KRT83: variants seen among roughly 807,000 people sequenced by gnomAD.
KRT83 encodes the protein keratin 83.
A neutral mutation model predicts 52.9 loss-of-function variants in KRT83; 51 were observed. That is an observed-to-expected ratio of 0.96 (90% confidence interval 0.77 to 1.22). KRT83 has a LOEUF of 1.22. KRT83 is among the 50% of genes most tolerant of loss of function. The probability of loss-of-function intolerance (pLI) is 0.00; values close to 1 mark genes in which losing one functional copy is unlikely to be tolerated. For synonymous variants in KRT83, 278 were observed against 274.1 expected (o/e 1.01, Z -0.14); for missense variants, 654 against 666.5 (o/e 0.98, Z 0.21).
At position 52,318,481 on chromosome 12, in the gene KRT83, C is replaced by T. The variant is rs1938722269; in HGVS notation, c.594-511G>A. ...TTCTTCCTTCGAGCCCTCCCCTGCC[C>T]CCACTCAGCTGCAGGTGGTGGGATC... On this transcript the variant is annotated intron_variant, in intron 2 of 8. Transcript: ENST00000293670. Among the ~76,000 whole-genome samples, 4 of 151,954 alleles carry T rather than the reference C, an allele frequency of 2.6e-5. No homozygotes were observed. The South Asian group carries it at 8.3e-4, about 32-fold the overall frequency.
intron 2 of KRT83, among the ~76,000 whole-genome samples, chr12:52,318,193 TGA>T (rs761579217): frequency 3.9e-5 from 6 of 152,004 alleles, no homozygotes; most frequent in Non-Finnish European, 5.9e-5. Flanking sequence ...TTTTTGTTTT[TGA>T]GATGGAGTCT....
In KRT83 at chr12:52,316,556, T is replaced by G. The variant is rs1349136331; in HGVS notation, c.953A>C (p.Glu318Ala). ...EMKATVIRHG[E>A]TLRRTKEEIN... ...CTCCTCCTTGGTGCGGCGCAGGGTC[T>G]CCCCGTGCCTGATCACTGTGGCCTT... Residue 318 changes from glutamate (E) to alanine (A), a missense_variant, in exon 6 of 9, where the codon GAG becomes GCG. Coordinates refer to ENST00000293670, the MANE Select transcript of KRT83 (RefSeq NM_002282.3). The G allele has an allele frequency of 3.1e-6, 5 of 1,614,002 alleles. No homozygotes were observed. Among genetic ancestry groups the G allele is most frequent in the African/African-American group, 1.3e-5 (1 of 74,914 alleles).
chr12:52,314,568 G>A lies in KRT83; in HGVS notation c.*63C>T. 7.0e-7 allele frequency: 1 copy of A among 1,430,480 alleles called. No homozygotes were observed. Among genetic ancestry groups the A allele is most frequent in the Non-Finnish European group, 9.6e-7 (1 of 1,038,580 alleles). 88.6% of individuals were successfully genotyped at this position (1,430,480 alleles called of 1,614,324 possible). On this transcript the variant is annotated 3_prime_UTR_variant, in exon 9 of 9. Transcript: ENST00000293670. ...CAGCGATGTGCTGCTGTTTTCAGCT[G>A]GTGGTGGGGCAGTGGCACGTCTGGC... is the stretch of plus-strand genomic sequence containing the variant.
rs548796091 is a variant in KRT83 at position 52,314,803 on chromosome 12, C to T, written c.1310G>A (p.Arg437Gln). Reference protein sequence around the residue: ...EAVNVCVSSSRGGVVCGDLCV... With the variant: ...EAVNVCVSSSQGGVVCGDLCV... ...GAGATCCCCGCACACAACCCCACCC[C>T]GGGAGCTGCTGACACCTGTGGGAAC... The change falls in exon 9 of 9, where the codon CGG becomes CAG. Residue 437 changes from arginine to glutamine, a missense_variant. Coordinates refer to ENST00000293670, the MANE Select transcript of KRT83 (RefSeq NM_002282.3). The T allele has an allele frequency of 1.8e-5, 29 of 1,605,988 alleles. No individual in the cohort carries two copies. The highest frequency in any genetic ancestry group is 4.5e-5 in the East Asian group (2 of 44,640).
chr12:52,314,574 G>A lies in KRT83; in HGVS notation c.*57C>T, dbSNP rs549538781. 2 of 1,462,586 alleles carry A rather than the reference G, an allele frequency of 1.4e-6. No individual in the cohort carries two copies. Among genetic ancestry groups the A allele is most frequent in the African/African-American group, 2.8e-5 (2 of 70,972 alleles). 90.6% of individuals were successfully genotyped at this position (1,462,586 alleles called of 1,614,324 possible). On this transcript the variant is annotated 3_prime_UTR_variant, in exon 9 of 9. Transcript: ENST00000293670. ...TGTGCTGCTGTTTTCAGCTGGTGGT[G>A]GGGCAGTGGCACGTCTGGCAGGCAG...
chr12:52,317,775 T>C lies in KRT83; in HGVS notation c.656A>G (p.Asp219Gly). 2 of 1,613,874 alleles carry C rather than the reference T, an allele frequency of 1.2e-6. No homozygotes were observed. Among genetic ancestry groups the C allele is most frequent in the South Asian group, 1.1e-5 (1 of 91,062 alleles). The stretch of plus-strand genomic sequence containing the variant: ...CTTGCGGAGGTAGGCGCAGTCCACA[T>C]CCTGGGTGGGGTAGAAGGGGCTGTG... ...AENEFVALKK[D>G]VDCAYLRKSD... Residue 219 changes from aspartate (D) to glycine (G), a missense_variant and splice_region_variant, in exon 4 of 9, where the codon GAT (aspartate) becomes GGT (glycine). Transcript: ENST00000293670.
chr12:52,315,023 C>T (rs891124054), intron 8 of KRT83, among the ~76,000 whole-genome samples: 5 of 152,168 alleles, frequency 3.3e-5, no homozygotes, highest in Non-Finnish European at 7.3e-5. Flanking sequence ...GGAGTCCTTT[C>T]CTCTGTCTGG....
At chr12:52,314,863 T>G in intron 8 of KRT83, 45 bp from the exon 9 acceptor site, 18 of 1,519,730 alleles carry the variant, frequency 1.2e-5, no homozygotes, top group Non-Finnish European at 1.5e-5. Context: ...CTGATGGCCA[T>G]CCCATCCAGC....
chr12:52,314,517 T>C lies in KRT83; in HGVS notation c.*114A>G, dbSNP rs1938654611. The C allele has an allele frequency of 2.0e-6, 2 of 976,364 alleles. No individual in the cohort carries two copies. The highest frequency in any genetic ancestry group is 2.0e-5 in the Admixed American group (1 of 50,206). 60.5% of individuals were successfully genotyped at this position (976,364 alleles called of 1,614,324 possible). On this transcript the variant is annotated 3_prime_UTR_variant, in exon 9 of 9. Coordinates refer to ENST00000293670, the MANE Select transcript of KRT83 (RefSeq NM_002282.3). Reference sequence around the variant, plus strand: ...CGCTGGTGGGAATGAGCCGATGGTGTATTCTCAGAACACAAGGGGAAAAGC... The same window carrying C: ...CGCTGGTGGGAATGAGCCGATGGTGCATTCTCAGAACACAAGGGGAAAAGC...
intron 8 of KRT83, 37 bp downstream of exon 8, chr12:52,315,275 A>G: frequency 6.2e-7 from 1 of 1,605,068 alleles, no homozygotes; most frequent in Non-Finnish European, 8.5e-7. Flanking sequence ...CTTTGTCCCC[A>G]GTCTACATTT....
Position 52,321,393 on chromosome 12 carries a change from G to A in KRT83, c.-58C>T. The A allele has an allele frequency of 6.2e-7, 1 of 1,609,516 alleles. No homozygotes were observed. Among genetic ancestry groups the A allele is most frequent in the East Asian group, 2.2e-5 (1 of 44,848 alleles). On this transcript the variant is annotated 5_prime_UTR_variant, in exon 1 of 9. Transcript: ENST00000293670. ...TAGATGGCAGAGGATGGAACCAAGGGCCTGTGCTCCCTGGCTGATGGCAGG... is the reference window on the plus strand; with the variant it reads ...TAGATGGCAGAGGATGGAACCAAGGACCTGTGCTCCCTGGCTGATGGCAGG...
rs150640038 is a variant in KRT83 at position 52,321,045 on chromosome 12, G to A, written c.291C>T (p.Asn97=). The change falls in exon 1 of 9, where the codon AAC becomes AAT. Residue 97 remains asparagine (N), a synonymous_variant. Transcript: ENST00000293670. The part of the protein sequence containing the change: ...SVNESLLTPL[N]LEIDPNAQCV... Reference sequence around the variant, plus strand: ...ACTGCGCGTTGGGGTCTATCTCCAGGTTGAGGGGCGTGAGGAGGCTCTCGT... The same window carrying A: ...ACTGCGCGTTGGGGTCTATCTCCAGATTGAGGGGCGTGAGGAGGCTCTCGT... The A allele has an allele frequency of 1.2e-6, 2 of 1,612,654 alleles. No individual in the cohort carries two copies. The highest frequency in any genetic ancestry group is 2.7e-5 in the African/African-American group (2 of 74,906).
intron 5 of KRT83, 51 bp downstream of exon 5, chr12:52,316,808 C>G: frequency 6.2e-7 from 1 of 1,613,868 alleles, no homozygotes. Context: ...CTAGATACCT[C>G]ACATCCCTCC....
In KRT83 at chr12:52,317,764, C is replaced by T. The variant is rs149581248; in HGVS notation, c.667G>A (p.Ala223Thr). ...TCCAGGTCTGACTTGCGGAGGTAGG[C>T]GCAGTCCACATCCTGGGTGGGGTAG... is the stretch of plus-strand genomic sequence containing the variant. The part of the protein sequence containing the change: ...FVALKKDVDC[A>T]YLRKSDLEAN... Residue 223 changes from alanine to threonine, a missense_variant, in exon 4 of 9, where the codon GCC becomes ACC. Coordinates refer to ENST00000293670, the MANE Select transcript of KRT83 (RefSeq NM_002282.3). The T allele has an allele frequency of 1.0e-4, 164 of 1,613,854 alleles. 2 individuals are homozygous for T. Among genetic ancestry groups the T allele is most frequent in the Middle Eastern group, 1.0e-3 (6 of 5,914 alleles).
rs770644021 is a variant in KRT83, at chr12:52,316,926, A to G, written c.848T>C (p.Ile283Thr). The G allele has an allele frequency of 1.2e-6, 2 of 1,614,052 alleles. No homozygotes were observed. Among genetic ancestry groups the G allele is most frequent in the East Asian group, 2.2e-5 (1 of 44,892 alleles). Reference sequence around the variant, plus strand: ...GGCAATGTCATCATACTGTGCCTTGATCTCGGCAACGATGCAGTCCATGTT... The same window carrying G: ...GGCAATGTCATCATACTGTGCCTTGGTCTCGGCAACGATGCAGTCCATGTT... The part of the protein sequence containing the change: ...DLNMDCIVAE[I>T]KAQYDDIATR... Residue 283 changes from isoleucine (I) to threonine (T), a missense_variant, in exon 5 of 9, where the codon ATC (isoleucine) becomes ACC (threonine). By Grantham distance (89) the Ile-to-Thr change is moderately conservative. Transcript: ENST00000293670.
intron 4 of KRT83, 81 bp downstream of exon 4, chr12:52,317,600 G>A: frequency 6.8e-7 from 1 of 1,467,968 alleles, no homozygotes; most frequent in Non-Finnish European, 9.5e-7. Context: ...AGCAGGCCTG[G>A]TTCATGCCTG....
rs775630317 is a variant in KRT83 at position 52,316,866 on chromosome 12, C to A, written c.908G>T (p.Arg303Leu). The A allele has an allele frequency of 6.2e-7, 1 of 1,614,036 alleles. No individual in the cohort carries two copies. Among genetic ancestry groups the A allele is most frequent in the African/African-American group, 1.3e-5 (1 of 74,912 alleles). ...RSRAEAESWY[R>L]SKCEEMKATV... is the part of the protein sequence containing the mutation. The stretch of plus-strand genomic sequence containing the variant: ...GTGTCCTGTGCCGCTCACCTTGCTG[C>A]GATACCAGGACTCGGCCTCAGCCCG... Residue 303 changes from arginine (R) to leucine (L), a missense_variant, in exon 5 of 9, where the codon CGC becomes CTC. Coordinates refer to ENST00000293670, the MANE Select transcript of KRT83 (RefSeq NM_002282.3).
In KRT83 at chr12:52,314,690, G is replaced by A. The variant is rs200232339; in HGVS notation, c.1423C>T (p.Pro475Ser). 3.9e-5 allele frequency: 62 copies of A among 1,583,906 alleles called. 1 individual carries two copies. In the African/African-American group the frequency reaches 5.2e-4, roughly 13 times the overall value. ...CAGGTGGTGTTCAGCTGGCCACAGG[G>A]CTTGCACAAACCAGTGCTCACCACC... The part of the protein sequence containing the change: ...NLVVSTGLCK[P>S]CGQLNTTCGG... Residue 475 changes from proline (P) to serine (S), a missense_variant, in exon 9 of 9, where the codon CCC (proline) becomes TCC (serine). Physicochemically the swap from Pro to Ser is moderately conservative, Grantham distance 74 (BLOSUM62 -1). Transcript: ENST00000293670.
At chr12:52,315,823 C>A in intron 7 of KRT83, 70 bp downstream of exon 7, 2 of 1,604,498 alleles carry the variant, frequency 1.2e-6, no homozygotes, top group Non-Finnish European at 1.7e-6. Flanking sequence ...GGGACTGAGA[C>A]TGAGATAGGG....
Sources: allele counts gnomAD v4.1 joint callset (sites outside exome capture counted in the v4.1 genomes callset), GRCh38; gene constraint gnomAD v4.1.1; transcripts MANE v1.5; gene names NCBI Gene and HGNC (gene_info 2026-07-23, HGNC 2026-07-21).